ESR1: variants seen among roughly 807,000 people sequenced by gnomAD.
ESR1 encodes estrogen receptor 1.
ESR1 carries 12 observed loss-of-function variants against 52.7 expected under a neutral mutation model. The observed-to-expected ratio is 0.23, with a 90% CI of 0.15 to 0.37. The LOEUF (loss-of-function observed/expected upper bound fraction) is 0.37, where lower values mean the gene tolerates loss of function less well. Among genes scored for constraint, ESR1 ranks in the 10% least tolerant of loss-of-function variants. The probability of loss-of-function intolerance (pLI) is 1.00; values close to 1 mark genes in which losing one functional copy is unlikely to be tolerated. For synonymous variants in ESR1, 305 were observed against 316.8 expected, an observed-to-expected ratio of 0.96 and a Z score of 0.39; for missense variants, 584 against 779.7, an observed-to-expected ratio of 0.75 and a Z score of 2.99.
At chr6:151,965,459 A>C (rs78076377) in intron 4 of ESR1, among the ~76,000 whole-genome samples, 4,318 of 152,192 alleles carry the variant, frequency 0.028, 112 homozygotes, top group East Asian at 0.11. Context: ...TCATTACCTA[A>C]AAGGTTATCC....
chr6:151,986,841 C>T (rs892957394), intron 4 of ESR1, among the ~76,000 whole-genome samples: 1 of 152,098 alleles, frequency 6.6e-6, no homozygotes, highest in Non-Finnish European at 1.5e-5. Context: ...TCTCTCCCTT[C>T]TCCTTTCCTC....
chr6:151,976,385 AT>A (rs1447208635), intron 4 of ESR1, among the ~76,000 whole-genome samples: 1 of 151,774 alleles, frequency 6.6e-6, no homozygotes, highest in East Asian at 1.9e-4. Flanking sequence ...ATCTGGTTAC[AT>A]TTTGGTGGGG....
upstream of ESR1, among the ~76,000 whole-genome samples, chr6:151,688,262 C>A (rs1778765716): frequency 6.6e-6 from 1 of 152,198 alleles, no homozygotes; most frequent in African/African-American, 2.4e-5. Flanking sequence ...AACCTGTCAA[C>A]AGTTTCCTCT....
At chr6:152,058,173 T>A (rs988332685) in intron 5 of ESR1, among the ~76,000 whole-genome samples, 4 of 151,912 alleles carry the variant, frequency 2.6e-5, no homozygotes, top group African/African-American at 9.7e-5. Flanking sequence ...TTTTCCCCTA[T>A]CCTTGTTTAT....
chr6:152,110,801 A>G (rs1409323836), intron 6 of ESR1, among the ~76,000 whole-genome samples: 3 of 152,222 alleles, frequency 2.0e-5, no homozygotes, highest in African/African-American at 7.2e-5. Context: ...CACCTTGGAC[A>G]GGATGCTGAA....
chr6:151,786,165 T>C (rs1469047780), intron 2 of ESR1, among the ~76,000 whole-genome samples: 2 of 152,182 alleles, frequency 1.3e-5, no homozygotes, highest in Admixed American at 1.3e-4. Flanking sequence ...AATTTTAACA[T>C]TAAAGTCACA....
intron 1 of ESR1, among the ~76,000 whole-genome samples, chr6:151,701,000 A>G (rs1329844620): frequency 1.3e-5 from 2 of 152,202 alleles, no homozygotes; most frequent in Non-Finnish European, 2.9e-5. Flanking sequence ...AGAATTTTAC[A>G]TGTAATTAAA....
At chr6:151,835,939 A>G (rs1349089574) in intron 1 of ESR1, among the ~76,000 whole-genome samples, 6 of 152,172 alleles carry the variant, frequency 3.9e-5, no homozygotes, top group African/African-American at 1.2e-4. Context: ...TCCAAAGAAA[A>G]GGCAGTGGTC....
In ESR1 at chr6:151,997,141, T is replaced by TGGA. The variant is rs1370265802; in HGVS notation, c.1097-14515_1097-14514insGGA. Among the ~76,000 whole-genome samples the TGGA allele has an allele frequency of 6.2e-3, 949 of 152,158 alleles. 10 individuals carry two copies. Among genetic ancestry groups the TGGA allele is most frequent in the African/African-American group, 0.022 (919 of 41,542 alleles). On this transcript the variant is annotated intron_variant, in intron 4 of 7. Transcript: ENST00000206249. ...TGTGTGAAGAGCATCTTACCGTTCA[T>TGGA]TGCTTTGGATGATTTGTGCAAATCT...
At chr6:151,718,029 C>G (rs1781182324) in intron 2 of ESR1, among the ~76,000 whole-genome samples, 1 of 152,146 alleles carries the variant, frequency 6.6e-6, no homozygotes, top group Non-Finnish European at 1.5e-5. Context: ...TATCACCTAA[C>G]CAGCCTCTGG....
chr6:151,897,704 G>T (rs1795766172), intron 3 of ESR1, among the ~76,000 whole-genome samples: 1 of 152,056 alleles, frequency 6.6e-6, no homozygotes, highest in Non-Finnish European at 1.5e-5. Flanking sequence ...GAGATGTGAG[G>T]TACTATTCTG....
chr6:151,825,877 C>T (rs1464731484), intron 1 of ESR1, among the ~76,000 whole-genome samples: 3 of 146,740 alleles, frequency 2.0e-5, no homozygotes, highest in Non-Finnish European at 4.5e-5. Flanking sequence ...TGCCACTGCA[C>T]TCCAGCCTGG....
At chr6:151,883,278 C>T (rs1347346186) in intron 3 of ESR1, among the ~76,000 whole-genome samples, 1 of 131,198 alleles carries the variant, frequency 7.6e-6, no homozygotes, top group African/African-American at 3.1e-5. Context: ...TGCCACCATA[C>T]CCAGCTAATT....
At chr6:151,689,808 C>T (rs992327795), upstream of ESR1, among the ~76,000 whole-genome samples, 1 of 152,122 alleles carries the variant, frequency 6.6e-6, no homozygotes, top group African/African-American at 2.4e-5. Flanking sequence ...AAAGTACCTA[C>T]TGCATAAACC....
intron 6 of ESR1, among the ~76,000 whole-genome samples, chr6:152,093,330 A>ATCTCTC (rs34340611): frequency 3.2e-5 from 4 of 125,890 alleles, no homozygotes; most frequent in Non-Finnish European, 5.0e-5. Context: ...TACTACCTGG[A>ATCTCTC]TCTCTCTCTC....
intron 2 of ESR1, among the ~76,000 whole-genome samples, chr6:151,795,115 A>C (rs547042411): frequency 1.3e-4 from 20 of 152,278 alleles, no homozygotes; most frequent in African/African-American, 4.3e-4. Context: ...AAATTGCCCC[A>C]ATTTTATAGA....
intron 2 of ESR1, among the ~76,000 whole-genome samples, chr6:151,738,350 C>T (rs1782824921): frequency 6.6e-6 from 1 of 151,994 alleles, no homozygotes; most frequent in African/African-American, 2.4e-5. Flanking sequence ...TCTTCGAGAC[C>T]CTGCTTTCAA....
chr6:152,123,645 GTTT>G (rs2052257604), intron 6 of ESR1, among the ~76,000 whole-genome samples: 1 of 152,138 alleles, frequency 6.6e-6, no homozygotes, highest in African/African-American at 2.4e-5. Flanking sequence ...AAGAAATGTT[GTTT>G]ACGACAGGCA....
At chr6:152,024,001 T>C (rs1584869011) in intron 5 of ESR1, among the ~76,000 whole-genome samples, 2 of 152,316 alleles carry the variant, frequency 1.3e-5, no homozygotes, top group South Asian at 4.1e-4. Flanking sequence ...ACTTATATTT[T>C]CTTCTAGTAA....
Sources: gnomAD v4.1 joint callset for allele counts (sites outside exome capture counted in the v4.1 genomes callset) on GRCh38, gnomAD v4.1.1 for gene constraint, MANE v1.5 for transcripts, NCBI Gene and HGNC (gene_info 2026-07-23, HGNC 2026-07-21) for gene names.